The following SPRY3 variants were observed in gnomAD, a reference collection of about 807,000 sequenced individuals.
The protein encoded by SPRY3 is protein sprouty homolog 3.
A neutral mutation model predicts 20.2 loss-of-function variants in SPRY3; 15 were observed. The ratio of observed to expected loss-of-function variants is 0.74; its 90% CI spans 0.50 to 1.14. SPRY3 has a LOEUF of 1.14. SPRY3 is among the 50% of genes most tolerant of loss of function. The pLI is 0.00. For missense variants in SPRY3, 364 were observed against 363.9 expected (o/e 1.00, Z 0.00); for synonymous variants, 143 against 136.5 (o/e 1.05, Z -0.33).
At chrX:155,658,269 A>G (rs1557353183) in intron 2 of SPRY3, among the ~76,000 whole-genome samples, 1 of 111,574 alleles carries the variant, frequency 9.0e-6, no homozygotes, top group African/African-American at 3.3e-5. Flanking sequence ...TTGATTCTGT[A>G]GATTGGGCAG....
intron 2 of SPRY3, among the ~76,000 whole-genome samples, chrX:155,716,914 G>T (rs1192393139): frequency 1.1e-4 from 16 of 148,628 alleles, no homozygotes; most frequent in Admixed American, 1.1e-3. Flanking sequence ...CGGGCGGATT[G>T]CCTGAGCTCA....
chrX:155,654,314 T>C (rs940805378), intron 1 of SPRY3, among the ~76,000 whole-genome samples: 1 of 112,024 alleles, frequency 8.9e-6, no homozygotes, highest in Non-Finnish European at 1.9e-5. Context: ...TTTCTGTTGC[T>C]TTTTACATTT....
intron 2 of SPRY3, among the ~76,000 whole-genome samples, chrX:155,751,616 T>A (rs2091262443): frequency 6.6e-6 from 1 of 151,826 alleles, no homozygotes; most frequent in Admixed American, 6.6e-5. Flanking sequence ...ATGTAAGAAT[T>A]TTTTCCAAAT....
chrX:155,751,948 TAAAATAAAATAAAATAAAATA>T (rs2091264951), intron 2 of SPRY3, among the ~76,000 whole-genome samples: 1 of 121,204 alleles, frequency 8.3e-6, no homozygotes, highest in African/African-American at 3.2e-5. Flanking sequence ...TAAAATAAAA[TAAAATAAAATAAAATAAAATA>T]AAATAAAATA....
intron 2 of SPRY3, among the ~76,000 whole-genome samples, chrX:155,759,402 CT>C (rs2091295591): frequency 6.6e-6 from 1 of 152,150 alleles, no homozygotes; most frequent in Non-Finnish European, 1.5e-5. Flanking sequence ...TATTTCCTCT[CT>C]GCTCCTTTCC....
At chrX:155,664,214 A>G (rs782710995) in intron 2 of SPRY3, among the ~76,000 whole-genome samples, 2 of 110,957 alleles carry the variant, frequency 1.8e-5, no homozygotes, top group African/African-American at 6.5e-5. Context: ...AAAGGCCTAA[A>G]TGAACGTAGA....
chrX:155,650,185 C>T (rs7061959), intron 1 of SPRY3, among the ~76,000 whole-genome samples: 269 of 111,485 alleles, frequency 2.4e-3, no homozygotes, highest in African/African-American at 8.5e-3. Context: ...CCATACTGCT[C>T]ATAGTAATTT....
chrX:155,779,191 G>T (rs961258773), downstream of SPRY3: 11 of 167,012 alleles, frequency 6.6e-5, no homozygotes, highest in Non-Finnish European at 1.3e-4. Context: ...AGTGCGTGAT[G>T]GGCACTTAAA....
At chrX:155,760,490 G>T (rs896201078) in intron 2 of SPRY3, among the ~76,000 whole-genome samples, 2 of 152,256 alleles carry the variant, frequency 1.3e-5, no homozygotes, top group African/African-American at 4.8e-5. Context: ...TCCTTTTTCA[G>T]CAGAGATAAT....
chrX:155,742,191 C>T (rs1042678506), intron 2 of SPRY3, among the ~76,000 whole-genome samples: 13 of 151,856 alleles, frequency 8.6e-5, no homozygotes, highest in African/African-American at 3.1e-4. Flanking sequence ...GCAGGGGTCA[C>T]AATTATAGAG....
intron 2 of SPRY3, among the ~76,000 whole-genome samples, chrX:155,660,211 G>T (rs1003835234): frequency 9.0e-6 from 1 of 110,964 alleles, no homozygotes; most frequent in East Asian, 2.8e-4. Flanking sequence ...CAGGATCTTT[G>T]GTTCATTGTG....
At chrX:155,719,908 G>A (rs2091045553) in intron 2 of SPRY3, among the ~76,000 whole-genome samples, 1 of 152,182 alleles carries the variant, frequency 6.6e-6, no homozygotes, top group Admixed American at 6.5e-5. Flanking sequence ...TGCTTGAGAA[G>A]AGCAGAGGGA....
intron 2 of SPRY3, among the ~76,000 whole-genome samples, chrX:155,664,851 T>C (rs1398538244): frequency 1.8e-5 from 2 of 109,353 alleles, no homozygotes. Flanking sequence ...GAAGTCTTTA[T>C]GATATCTAGA....
intron 2 of SPRY3, among the ~76,000 whole-genome samples, chrX:155,683,417 G>T (rs1483788008): frequency 1.8e-5 from 2 of 112,070 alleles, no homozygotes; most frequent in African/African-American, 6.5e-5. Context: ...CCTTCTACCA[G>T]CAAAAAGATT....
intron 2 of SPRY3, among the ~76,000 whole-genome samples, chrX:155,681,211 C>A (rs755979669): frequency 1.8e-5 from 2 of 111,485 alleles, no homozygotes; most frequent in East Asian, 2.8e-4. Context: ...TTCCCCCATA[C>A]TGTTCTCATG....
chrX:155,665,287 A>G (rs1354582511), intron 2 of SPRY3, among the ~76,000 whole-genome samples: 1 of 111,321 alleles, frequency 9.0e-6, no homozygotes, highest in Non-Finnish European at 1.9e-5. Context: ...GTAAATTGGT[A>G]TAACTGCTTT....
At chrX:155,676,333 G>A (rs1433572118) in intron 2 of SPRY3, among the ~76,000 whole-genome samples, 1 of 111,366 alleles carries the variant, frequency 9.0e-6, no homozygotes, top group Non-Finnish European at 1.9e-5. Flanking sequence ...GAAGATGGTG[G>A]CAACATGGTA....
intron 2 of SPRY3, among the ~76,000 whole-genome samples, chrX:155,684,209 G>C (rs1422536252): frequency 9.0e-6 from 1 of 110,875 alleles, no homozygotes; most frequent in East Asian, 2.9e-4. Context: ...TTTTGAAGGA[G>C]ACTGTTTTCC....
At chrX:155,742,895 A>T (rs1194117311) in intron 2 of SPRY3, among the ~76,000 whole-genome samples, 1 of 152,134 alleles carries the variant, frequency 6.6e-6, no homozygotes, top group Admixed American at 6.5e-5. Context: ...AAAGATCTCA[A>T]ATCAACAACC....
Sources: gnomAD v4.1 joint callset for allele counts (sites outside exome capture counted in the v4.1 genomes callset) on GRCh38, gnomAD v4.1.1 for gene constraint, MANE v1.5 for transcripts, NCBI Gene and HGNC (gene_info 2026-07-23, HGNC 2026-07-21) for gene names.